The following MCM9 variants were observed in gnomAD, a reference collection of about 807,000 sequenced individuals.
MCM9 encodes minichromosome maintenance 9 homologous recombination repair factor.
MCM9 carries 55 observed loss-of-function variants against 72.8 expected under a neutral mutation model. The observed-to-expected ratio is 0.76, with a 90% confidence interval of 0.61 to 0.95. The LOEUF is 0.95. Among genes scored for constraint, MCM9 ranks in the 40% least tolerant of loss-of-function variants. The pLI is 0.00. For synonymous variants in MCM9, 480 were observed against 503.4 expected (o/e 0.95, Z 0.62); for missense variants, 1,279 against 1,377.0 (o/e 0.93, Z 1.13).
chr6:118,881,126 T>C (rs975737595), intron 8 of MCM9, among the ~76,000 whole-genome samples: 2 of 152,192 alleles, frequency 1.3e-5, no homozygotes, highest in African/African-American at 4.8e-5. Context: ...TGATTGACTA[T>C]GGGAAATTGA....
At chr6:118,914,432 G>A (rs1342076951) in intron 6 of MCM9, among the ~76,000 whole-genome samples, 1 of 152,126 alleles carries the variant, frequency 6.6e-6, no homozygotes, top group Admixed American at 6.5e-5. Flanking sequence ...GCTACTTTTT[G>A]TAATGAATCA....
At chr6:118,828,193 T>C in intron 10 of MCM9, 63 bp from the exon 11 acceptor site, 3 of 1,332,898 alleles carry the variant, frequency 2.3e-6, no homozygotes, top group Non-Finnish European at 3.1e-6. Flanking sequence ...ATTTTAAGGA[T>C]TTTTATAAAG....
At position 118,929,581 on chromosome 6, in the gene MCM9, G is replaced by C. The variant is rs1203520809; in HGVS notation, c.304+1839C>G. Reference sequence around the variant, plus strand: ...GTATTACTTAAACTCAGTATGGAAAGGTATCTGAAAATAATGGCAGCCTAA... The same window carrying C: ...GTATTACTTAAACTCAGTATGGAAACGTATCTGAAAATAATGGCAGCCTAA... On this transcript the variant is annotated intron_variant, in intron 3 of 13. Transcript: ENST00000619706. 2.0e-5 allele frequency among the ~76,000 whole-genome samples: 3 copies of C among 152,134 alleles called. No homozygotes were observed. The East Asian group carries it at 5.8e-4, about 29-fold the overall frequency.
intron 12 of MCM9, 28 bp from the exon 13 acceptor site, chr6:118,826,320 G>A (rs1319805512): frequency 6.5e-6 from 10 of 1,542,824 alleles, no homozygotes; most frequent in Non-Finnish European, 7.0e-6. Flanking sequence ...TACCAGGAGA[G>A]TCACCAGGCC....
chr6:118,906,404 A>T (rs1036316134), intron 8 of MCM9, among the ~76,000 whole-genome samples: 2 of 152,104 alleles, frequency 1.3e-5, no homozygotes, highest in Non-Finnish European at 2.9e-5. Context: ...GCCTTTGTTT[A>T]TGGCTTTCTT....
chr6:118,839,736 G>T (rs1349663635), intron 9 of MCM9, among the ~76,000 whole-genome samples: 2 of 152,110 alleles, frequency 1.3e-5, no homozygotes, highest in Non-Finnish European at 2.9e-5. Flanking sequence ...TGTTTGCCTG[G>T]GTATCACCAG....
intron 9 of MCM9, among the ~76,000 whole-genome samples, chr6:118,852,445 T>C (rs1454199776): frequency 6.6e-6 from 1 of 152,180 alleles, no homozygotes. Context: ...ATCCTTCAAA[T>C]TATTTCCTTT....
At chr6:118,919,277 T>G (rs1432970948) in intron 5 of MCM9, 1 of 152,086 alleles carries the variant, frequency 6.6e-6, no homozygotes, top group African/African-American at 2.4e-5. Context: ...TGGCCAAGAG[T>G]ACTGACCTCA....
chr6:118,928,032 C>T (rs761636387), intron 3 of MCM9, among the ~76,000 whole-genome samples: 1 of 152,198 alleles, frequency 6.6e-6, no homozygotes, highest in African/African-American at 2.4e-5. Context: ...CACTTTTTCA[C>T]ATACAGTGCT....
At chr6:118,828,243 G>A (rs1031162578) in intron 10 of MCM9, 113 bp from the exon 11 acceptor site, 1 of 861,630 alleles carries the variant, frequency 1.2e-6, no homozygotes. Flanking sequence ...TTCATGTTTT[G>A]TGGTTATTGA....
chr6:118,816,932 T>C (rs1773446180), intron 13 of MCM9, among the ~76,000 whole-genome samples: 1 of 152,212 alleles, frequency 6.6e-6, no homozygotes, highest in East Asian at 1.9e-4. Flanking sequence ...GTGACAATCT[T>C]TCCTGCAAAG....
At position 118,882,904 on chromosome 6, in the gene MCM9, A is replaced by T. The variant is rs141487269; in HGVS notation, c.1151-26359T>A. ...CTGGTATAATACATTAAATTAAAAT[A>T]TCCGGTTTTTAACAAAGAAGTATAA... On this transcript the variant is annotated intron_variant, in intron 8 of 13. Transcript: ENST00000619706. Among the ~76,000 whole-genome samples the T allele has an allele frequency of 1.6e-4, 24 of 152,274 alleles. No individual in the cohort carries two copies. In the East Asian group the frequency reaches 4.6e-3, roughly 29 times the overall value.
At chr6:118,932,052 T>C (rs1001015392) in intron 2 of MCM9, among the ~76,000 whole-genome samples, 1 of 152,242 alleles carries the variant, frequency 6.6e-6, no homozygotes, top group Admixed American at 6.5e-5. Context: ...TATACAGGCA[T>C]GCACCTAACA....
At chr6:118,824,345 C>CTTTTTTTTT (rs781078527) in intron 13 of MCM9, among the ~76,000 whole-genome samples, 1 of 148,762 alleles carries the variant, frequency 6.7e-6, no homozygotes, top group African/African-American at 2.5e-5. Context: ...TTTAGTCTTT[C>CTTTTTTTTT]TTTTTTTTTC....
At chr6:118,841,928 G>A (rs369972552) in intron 9 of MCM9, among the ~76,000 whole-genome samples, 16 of 150,724 alleles carry the variant, frequency 1.1e-4, no homozygotes, top group Admixed American at 1.3e-4. Context: ...TCCGCCTCCC[G>A]GGTTCAAGCG....
At chr6:118,913,766 A>G (rs1403693415) in intron 6 of MCM9, among the ~76,000 whole-genome samples, 1 of 151,752 alleles carries the variant, frequency 6.6e-6, no homozygotes, top group East Asian at 1.9e-4. Flanking sequence ...CGCCCAGCTA[A>G]TGTTTTTTTT....
intron 13 of MCM9, among the ~76,000 whole-genome samples, chr6:118,819,728 T>C (rs1014601453): frequency 6.6e-6 from 1 of 152,154 alleles, no homozygotes; most frequent in African/African-American, 2.4e-5. Flanking sequence ...TGGTAGAATT[T>C]GGCTGTGAAT....
At chr6:118,887,226 C>T (rs946755880) in intron 8 of MCM9, among the ~76,000 whole-genome samples, 1 of 152,088 alleles carries the variant, frequency 6.6e-6, no homozygotes, top group Non-Finnish European at 1.5e-5. Context: ...ACACTTCCTG[C>T]TTTCAAAACA....
chr6:118,899,427 G>GT (rs1412948503), intron 8 of MCM9, among the ~76,000 whole-genome samples: 2 of 152,010 alleles, frequency 1.3e-5, no homozygotes, highest in Non-Finnish European at 2.9e-5. Context: ...CTTGCCAAGT[G>GT]TGCCCTACCC....
Sources: gnomAD v4.1 joint callset for allele counts (sites outside exome capture counted in the v4.1 genomes callset) on GRCh38, gnomAD v4.1.1 for gene constraint, MANE v1.5 for transcripts, NCBI Gene and HGNC (gene_info 2026-07-23, HGNC 2026-07-21) for gene names.